NCOR2: variants seen among roughly 807,000 people sequenced by gnomAD.
NCOR2 encodes nuclear receptor corepressor 2.
In NCOR2, 81 loss-of-function variants were observed where a neutral mutation model predicts 262.9. The observed-to-expected ratio is 0.31, with a 90% CI of 0.26 to 0.37. The LOEUF is 0.37. NCOR2 is among the 10% of genes least tolerant of loss of function. The pLI is 1.00. For synonymous variants in NCOR2, 1,659 were observed against 1,559.3 expected (o/e 1.06, Z -1.51); for missense variants, 3,385 against 3,621.4 (o/e 0.93, Z 1.68).
At chr12:124,427,515 G>A (rs535041682) in intron 10 of NCOR2, among the ~76,000 whole-genome samples, 5 of 152,228 alleles carry the variant, frequency 3.3e-5, no homozygotes, top group Admixed American at 2.0e-4. Flanking sequence ...AGGACTCCGC[G>A]TAGCCAAGGT....
exon 27 of NCOR2, chr12:124,354,108 G>A (rs373043474): frequency 1.3e-4 from 212 of 1,609,690 alleles, no homozygotes; most frequent in South Asian, 2.9e-4. Context: ...TGATGGAGCC[G>A]CGGTATGTGA....
chr12:124,485,519 C>T (rs769716879), intron 2 of NCOR2, among the ~76,000 whole-genome samples: 2 of 152,238 alleles, frequency 1.3e-5, no homozygotes, highest in South Asian at 2.1e-4. Context: ...CTTCAGATCA[C>T]GGGAATGCAC....
In NCOR2 at chr12:124,378,271, G is replaced by T. The variant is rs376051705; in HGVS notation, c.2133C>A (p.Ser711Arg). 5.0e-6 allele frequency: 8 copies of T among 1,613,690 alleles called. No homozygotes were observed. Among genetic ancestry groups the T allele is most frequent in the Non-Finnish European group, 6.8e-6 (8 of 1,179,862 alleles). The change falls in exon 18 of 47, where the codon AGC (serine) becomes AGA (arginine). Residue 711 changes from serine (S) to arginine (R), a missense_variant. This residue lies in a region of NCOR2 where 515 missense variants were observed against 781.2 expected (regional missense o/e 0.66). Transcript: ENST00000405201. This position sits in a 1 kb window ranked among gnomAD's most constrained non-coding sequence, Gnocchi z 4.2. Reference sequence around the variant, plus strand: ...CCTCCACCATCTCCTCCTCATTTCCGCTCACGCCCGACGCCTCCATCTCCT... The same window carrying T: ...CCTCCACCATCTCCTCCTCATTTCCTCTCACGCCCGACGCCTCCATCTCCT...
intron 20 of NCOR2, among the ~76,000 whole-genome samples, chr12:124,366,939 T>C (rs2135993452): frequency 6.6e-6 from 1 of 152,350 alleles, no homozygotes; most frequent in South Asian, 2.1e-4. Flanking sequence ...ATCAGCTGTA[T>C]TTTCTCTATG....
chr12:124,377,630 G>A (rs1363018639), intron 18 of NCOR2, among the ~76,000 whole-genome samples: 1 of 152,074 alleles, frequency 6.6e-6, no homozygotes, highest in African/African-American at 2.4e-5. Context: ...CCTGAGGTCA[G>A]GAGTTTGAGA....
chr12:124,334,986 ACCCACGCCCTGGATCCCCCCAGCGCC>A, intron 40 of NCOR2, 123 bp downstream of exon 42: 1 of 1,202,558 alleles, frequency 8.3e-7, no homozygotes, highest in South Asian at 1.3e-5. Flanking sequence ...TCTCACCCTC[ACCCACGCCCTGGATCCCCCCAGCGCC>A]ATGCCCTGGA....
In NCOR2 at chr12:124,473,149, C is replaced by T. The variant is rs777100638; in HGVS notation, c.412-18G>A. 2.9e-5 allele frequency: 47 copies of T among 1,612,828 alleles called. 1 individual carries two copies. Among genetic ancestry groups the T allele is most frequent in the East Asian group, 1.8e-4 (8 of 44,896 alleles). On this transcript the variant is annotated intron_variant, in intron 3 of 46. Coordinates refer to ENST00000405201, the Ensembl canonical transcript of NCOR2. ...CTACGGTCCTGTGGCAGAAAAAAAA[C>T]GGGCATGGGGTCAGCACAGGGGACA... is the stretch of plus-strand genomic sequence containing the variant.
chr12:124,461,157 C>G (rs1039923049), intron 5 of NCOR2, among the ~76,000 whole-genome samples: 1 of 152,268 alleles, frequency 6.6e-6, no homozygotes, highest in African/African-American at 2.4e-5. Context: ...TTCTCAATCC[C>G]GCTGAAACCC....
chr12:124,352,667 C>T (rs953189453), intron 27 of NCOR2, among the ~76,000 whole-genome samples: 2 of 152,234 alleles, frequency 1.3e-5, no homozygotes, highest in African/African-American at 4.8e-5. Flanking sequence ...CCGTGTCCAG[C>T]TTGATGTTTT....
intron 3 of NCOR2, among the ~76,000 whole-genome samples, chr12:124,476,400 C>T (rs1421798999): frequency 2.6e-5 from 4 of 152,188 alleles, no homozygotes; most frequent in Non-Finnish European, 4.4e-5. Context: ...GAAACATCTC[C>T]GCTATCCTAT....
At chr12:124,374,376 C>T (rs753643006) in intron 19 of NCOR2, 37 bp downstream of exon 21, 17 of 1,605,320 alleles carry the variant, frequency 1.1e-5, no homozygotes, top group Admixed American at 8.4e-5. Context: ...CGCCCCGGCC[C>T]GGCCCTACCC....
intron 5 of NCOR2, among the ~76,000 whole-genome samples, chr12:124,458,605 T>A (rs568604470): frequency 5.9e-5 from 9 of 152,294 alleles, no homozygotes; most frequent in African/African-American, 1.9e-4. Context: ...GGGCATACGG[T>A]GTGTTCTTAA....
chr12:124,489,802 G>A (rs547269180), intron 1 of NCOR2, among the ~76,000 whole-genome samples: 1 of 152,304 alleles, frequency 6.6e-6, no homozygotes, highest in Admixed American at 6.5e-5. Context: ...GTGGGGAGGA[G>A]TGGCTGGGGG....
intron 1 of NCOR2, among the ~76,000 whole-genome samples, chr12:124,559,564 A>G (rs1485468023): frequency 6.6e-6 from 1 of 152,238 alleles, no homozygotes; most frequent in East Asian, 1.9e-4. Flanking sequence ...GGGATGGTGC[A>G]TGAAAGCATC....
intron 1 of NCOR2, among the ~76,000 whole-genome samples, chr12:124,529,571 A>C (rs1341690435): frequency 2.0e-5 from 3 of 152,370 alleles, no homozygotes; most frequent in East Asian, 3.9e-4. Context: ...TGTGGTCTCA[A>C]CCACTGCAGC....
At chr12:124,490,309 G>A (rs1211748962) in intron 1 of NCOR2, among the ~76,000 whole-genome samples, 1 of 152,172 alleles carries the variant, frequency 6.6e-6, no homozygotes, top group Admixed American at 6.5e-5. Context: ...CCACAAGGAG[G>A]TCAGCTCCCT....
At chr12:124,386,026 A>G in intron 16 of NCOR2, 139 bp from the exon 19 acceptor site, 1 of 1,098,134 alleles carries the variant, frequency 9.1e-7, no homozygotes, top group African/African-American at 1.6e-5. Flanking sequence ...GACCTCTGGA[A>G]GAAGAGACAG....
chr12:124,409,589 G>A (rs189942949), intron 13 of NCOR2, among the ~76,000 whole-genome samples: 8 of 152,216 alleles, frequency 5.3e-5, no homozygotes, highest in Admixed American at 3.9e-4. Context: ...TCCCCCATGG[G>A]TGTCAGCTCC....
In NCOR2 at chr12:124,337,613, C is replaced by T. The variant is rs539242460; in HGVS notation, c.5688-433G>A. Among the ~76,000 whole-genome samples, 44 of 152,256 alleles carry T rather than the reference C, an allele frequency of 2.9e-4. No individual in the cohort carries two copies. In the South Asian group the frequency reaches 7.5e-3, roughly 26 times the overall value. ...AGCTGAGGCAGGGCTAGGAGGTCTT[C>T]AGGGAGGGGGCACATGAGGGAGCTG... On this transcript the variant is annotated intron_variant, in intron 37 of 46. Transcript: ENST00000405201.
Sources: gnomAD v4.1 joint callset for allele counts (sites outside exome capture counted in the v4.1 genomes callset) on GRCh38, gnomAD v4.1.1 for gene constraint, gnomAD v4.1.1 regional missense constraint, Gnocchi (gnomAD v3.1) non-coding constraint, MANE v1.5 for transcripts, NCBI Gene and HGNC (gene_info 2026-07-23, HGNC 2026-07-21) for gene names.